KPNA5: variants seen among roughly 807,000 people sequenced by gnomAD.
KPNA5 encodes karyopherin subunit alpha 5, also known as importin subunit alpha-6.
Under a neutral mutation model 71.3 loss-of-function variants are expected in KPNA5, and 46 were observed. The ratio of observed to expected loss-of-function variants is 0.65; its 90% CI spans 0.51 to 0.83. KPNA5 has a LOEUF of 0.83. KPNA5 is among the 40% of genes least tolerant of loss of function. The pLI is 0.00. For synonymous variants in KPNA5, 207 were observed against 201.4 expected (o/e 1.03, Z -0.24); for missense variants, 547 against 628.3 (o/e 0.87, Z 1.38).
chr6:116,719,298 T>C (rs1030628492), intron 8 of KPNA5, among the ~76,000 whole-genome samples: 3 of 152,224 alleles, frequency 2.0e-5, no homozygotes, highest in African/African-American at 7.2e-5. Context: ...ATCACTTTAA[T>C]GTTGGAGGCT....
At position 116,738,328 on chromosome 6, in the gene KPNA5, A is replaced by G. The variant is rs1779743498; in HGVS notation, c.*6005A>G. The G allele has an allele frequency of 6.6e-6, 1 of 152,224 alleles. No homozygotes were observed. The allele number at this position is 152,224 out of a possible 1,614,324, so 9.4% of individuals were successfully genotyped here. A position where few individuals can be genotyped will look rare whatever the true frequency, so the allele number is the denominator to read the frequency against. On this transcript the variant is annotated 3_prime_UTR_variant, in exon 14 of 14. Coordinates refer to ENST00000368564, the MANE Select transcript of KPNA5 (RefSeq NM_001366306.2). ...AGAAGTTGAATCTCTGAATAGACCA[A>G]TAACAGGATCTGAAATTGTGGCAAT...
chr6:116,685,065 AC>A (rs1777518583), intron 1 of KPNA5, among the ~76,000 whole-genome samples: 2 of 152,272 alleles, frequency 1.3e-5, no homozygotes, highest in African/African-American at 4.8e-5. Flanking sequence ...TTATGTTTAC[AC>A]AAACACCTTT....
rs560979459 is a variant in KPNA5 at position 116,692,174 on chromosome 6, A to G, written c.240+18A>G. On this transcript the variant is annotated intron_variant, in intron 3 of 13. Coordinates refer to ENST00000368564, the MANE Select transcript of KPNA5 (RefSeq NM_001366306.2). ...TTCCAGAGGTATACTTTACCAAAATATGTTTCAAATTATACCTCAATAATT... is the reference window on the plus strand; with the variant it reads ...TTCCAGAGGTATACTTTACCAAAATGTGTTTCAAATTATACCTCAATAATT... The G allele has an allele frequency of 2.0e-6, 3 of 1,534,780 alleles. No homozygotes were observed. The highest frequency in any genetic ancestry group is 2.3e-5 in the South Asian group (2 of 86,728).
intron 7 of KPNA5, among the ~76,000 whole-genome samples, chr6:116,708,742 A>G (rs1043369246): frequency 2.6e-5 from 4 of 152,100 alleles, no homozygotes; most frequent in African/African-American, 9.7e-5. Context: ...GTTCCTTGGT[A>G]GTGTATAGAA....
At position 116,725,775 on chromosome 6, in the gene KPNA5, C is replaced by T. The variant is rs1298680856; in HGVS notation, c.1024C>T (p.Pro342Ser). The T allele has an allele frequency of 1.2e-6, 2 of 1,612,754 alleles. No homozygotes were observed. The highest frequency in any genetic ancestry group is 1.7e-5 in the Admixed American group (1 of 59,878). ...TQVILNCSAL[P>S]CLLHLLSSPK... ...GGTAATTTTGAATTGTTCTGCATTA[C>T]CCTGTCTCTTACATTTATTGAGTAG... Residue 342 changes from proline to serine, a missense_variant, in exon 11 of 14, where the codon CCC becomes TCC. Pro to Ser is a moderately conservative substitution (Grantham distance 74). Transcript: ENST00000368564.
intron 8 of KPNA5, among the ~76,000 whole-genome samples, chr6:116,721,117 A>G (rs1034959201): frequency 6.6e-6 from 1 of 150,496 alleles, no homozygotes; most frequent in Non-Finnish European, 1.5e-5. Context: ...AGAAGAGGAT[A>G]GTTTATATGC....
intron 11 of KPNA5, 106 bp from the exon 12 acceptor site, chr6:116,726,389 T>C (rs1180668088): frequency 3.6e-6 from 3 of 843,828 alleles, no homozygotes; most frequent in African/African-American, 3.6e-5. Flanking sequence ...AATGTCAAGG[T>C]TCCAAAAACC....
chr6:116,726,824 T>TAC (rs1779309556), intron 12 of KPNA5, among the ~76,000 whole-genome samples: 1 of 152,056 alleles, frequency 6.6e-6, no homozygotes, highest in Admixed American at 6.6e-5. Flanking sequence ...TTCTCCTTGA[T>TAC]AGGCTGCTTA....
intron 7 of KPNA5, among the ~76,000 whole-genome samples, chr6:116,710,641 T>C (rs577444199): frequency 4.6e-5 from 7 of 152,080 alleles, no homozygotes; most frequent in African/African-American, 1.4e-4. Flanking sequence ...CATCTGGTGC[T>C]GGACTTTTCC....
In KPNA5 at chr6:116,733,286, T is replaced by C. The variant is rs1424753605; in HGVS notation, c.*963T>C. 1 of 151,698 alleles carries C rather than the reference T, an allele frequency of 6.6e-6. No individual in the cohort carries two copies. Among genetic ancestry groups the C allele is most frequent in the Non-Finnish European group, 1.5e-5 (1 of 67,682 alleles). 9.4% of individuals were successfully genotyped at this position (151,698 alleles called of 1,614,324 possible). A position where few individuals can be genotyped will look rare whatever the true frequency, so the allele number is the denominator to read the frequency against. On this transcript the variant is annotated 3_prime_UTR_variant, in exon 14 of 14. Coordinates refer to ENST00000368564, the MANE Select transcript of KPNA5 (RefSeq NM_001366306.2). ...GTACTAGTTTAAGTTTAAGTACAAG[T>C]ACAAGTTTAGGTACTCGAATGACAA...
chr6:116,716,158 G>T (rs1778875803), intron 7 of KPNA5, 61 bp from the exon 8 acceptor site: 3 of 1,238,616 alleles, frequency 2.4e-6, no homozygotes, highest in Non-Finnish European at 3.5e-6. Context: ...TTTGTATTAT[G>T]ATAGCTAAAG....
In KPNA5 at chr6:116,729,649, G is replaced by T; in HGVS notation, c.1340G>T (p.Gly447Val). 3.1e-6 allele frequency: 5 copies of T among 1,610,598 alleles called. No individual in the cohort carries two copies. The highest frequency in any genetic ancestry group is 3.4e-6 in the Non-Finnish European group (4 of 1,178,198). The change falls in exon 13 of 14, where the codon GGA becomes GTA. Residue 447 changes from glycine (G) to valine (V), a missense_variant. Physicochemically the swap from Gly to Val is moderately radical, Grantham distance 109. Transcript: ENST00000368564. ...DSKIVQVALN[G>V]LENILRLGEQ... is the part of the protein sequence containing the mutation. ...AAAATAGTCCAAGTGGCTTTAAATGGACTTGAAAATATTTTACGTCTTGGA... is the reference window on the plus strand; with the variant it reads ...AAAATAGTCCAAGTGGCTTTAAATGTACTTGAAAATATTTTACGTCTTGGA...
intron 5 of KPNA5, among the ~76,000 whole-genome samples, chr6:116,700,692 G>A (rs1778198637): frequency 6.6e-6 from 1 of 152,140 alleles, no homozygotes; most frequent in African/African-American, 2.4e-5. Flanking sequence ...GTTTTAAAGC[G>A]TGAATTAGAT....
intron 4 of KPNA5, among the ~76,000 whole-genome samples, chr6:116,692,678 A>G (rs190507654): frequency 6.6e-6 from 1 of 152,196 alleles, no homozygotes; most frequent in Admixed American, 6.5e-5. Flanking sequence ...ATATTTTTTA[A>G]TTCTTGTAGA....
Position 116,705,092 on chromosome 6 carries a change from T to C in KPNA5, c.588T>C (p.Asn196=), listed in dbSNP as rs1778389861. The part of the protein sequence containing the change: ...VQEQAVWALG[N]IAGDNAECRD... ...CTAAGGCTGTTTGGGCACTTGGTAA[T>C]ATTGCTGGTGACAATGCAGAATGCA... The change falls in exon 7 of 14, where the codon AAT becomes AAC. Residue 196 remains asparagine (N), a synonymous_variant. Coordinates refer to ENST00000368564, the MANE Select transcript of KPNA5 (RefSeq NM_001366306.2). 7.4e-6 allele frequency: 12 copies of C among 1,612,200 alleles called. No homozygotes were observed. Among genetic ancestry groups the C allele is most frequent in the Non-Finnish European group, 1.0e-5 (12 of 1,179,390 alleles).
chr6:116,684,747 T>G (rs1435519190), intron 1 of KPNA5, among the ~76,000 whole-genome samples: 2 of 152,196 alleles, frequency 1.3e-5, no homozygotes, highest in African/African-American at 4.8e-5. Context: ...GATCCGTATT[T>G]TCAACCATCT....
At chr6:116,727,873 G>A (rs184061150) in intron 12 of KPNA5, among the ~76,000 whole-genome samples, 4 of 152,040 alleles carry the variant, frequency 2.6e-5, no homozygotes, top group Non-Finnish European at 4.4e-5. Context: ...CGTCTTGTTC[G>A]GAGGATCCCT....
rs57807333 is a variant in KPNA5, at chr6:116,710,894, T to TATATATATATATATATA, written c.657-5325_657-5324insATATATATATATATATA. Among the ~76,000 whole-genome samples, 567 of 79,026 alleles carry TATATATATATATATATA rather than the reference T, an allele frequency of 7.2e-3. 26 individuals carry two copies. The highest frequency in any genetic ancestry group is 0.011 in the East Asian group (27 of 2,470). The allele number at this position is 79,026 out of a possible 152,430, so 51.8% of individuals were successfully genotyped here. On this transcript the variant is annotated intron_variant, in intron 7 of 13. Coordinates refer to ENST00000368564, the MANE Select transcript of KPNA5 (RefSeq NM_001366306.2). ...TATTTTATATATATATATATATATA[T>TATATATATATATATATA]TTTTTTTTTTTTTTTTTTGAGTTGG...
At chr6:116,714,274 G>C (rs1778807638) in intron 7 of KPNA5, among the ~76,000 whole-genome samples, 1 of 152,110 alleles carries the variant, frequency 6.6e-6, no homozygotes, top group Non-Finnish European at 1.5e-5. Flanking sequence ...TCCTTGTCAT[G>C]CGTGGTCTCT....
Sources: allele counts gnomAD v4.1 joint callset (sites outside exome capture counted in the v4.1 genomes callset), GRCh38; gene constraint gnomAD v4.1.1; transcripts MANE v1.5; gene names NCBI Gene and HGNC (gene_info 2026-07-23, HGNC 2026-07-21).